The following MAST2 variants were observed in gnomAD, a reference collection of about 807,000 sequenced individuals.
The protein encoded by MAST2 is microtubule-associated serine/threonine-protein kinase 2.
A neutral mutation model predicts 147.4 loss-of-function variants in MAST2; 70 were observed. The observed-to-expected ratio is 0.47, with a 90% CI of 0.39 to 0.58. The LOEUF is 0.58. Ranked by LOEUF, MAST2 falls within the 20% of genes least tolerant of loss-of-function variation. The pLI, the probability that MAST2 is intolerant of heterozygous loss-of-function variation, is 0.00. For synonymous variants in MAST2, 869 were observed against 896.8 expected (o/e 0.97, Z 0.55); for missense variants, 2,080 against 2,302.3 (o/e 0.90, Z 1.98).
chr1:45,963,772 G>C (rs919299526), intron 5 of MAST2, among the ~76,000 whole-genome samples: 3 of 152,232 alleles, frequency 2.0e-5, no homozygotes, highest in Non-Finnish European at 4.4e-5. Flanking sequence ...CTGCCTGATT[G>C]CCCTGGCCAG....
chr1:45,901,425 C>T (rs1299953262), intron 4 of MAST2, among the ~76,000 whole-genome samples: 1 of 152,044 alleles, frequency 6.6e-6, no homozygotes, highest in South Asian at 2.1e-4. Context: ...AATTTGAAGT[C>T]GAGTAGTGTG....
intron 3 of MAST2, among the ~76,000 whole-genome samples, chr1:45,863,997 A>G (rs1284613665): frequency 6.6e-6 from 1 of 152,218 alleles, no homozygotes; most frequent in Non-Finnish European, 1.5e-5. Context: ...ATTACCATAA[A>G]GTTGGAAAGT....
intron 3 of MAST2, among the ~76,000 whole-genome samples, chr1:45,846,294 A>G (rs2147948105): frequency 6.6e-6 from 1 of 152,344 alleles, no homozygotes; most frequent in East Asian, 1.9e-4. Context: ...TTTTGCTGTT[A>G]TCACAGCTCA....
intron 6 of MAST2, among the ~76,000 whole-genome samples, chr1:45,998,197 T>G (rs1392264612): frequency 2.6e-5 from 4 of 152,236 alleles, no homozygotes; most frequent in South Asian, 2.1e-4. Flanking sequence ...TTATACTCTT[T>G]GTCCTCTCTA....
In MAST2 at chr1:45,803,868, C is replaced by T. The variant is rs1165628838; in HGVS notation, c.-28C>T. ...GTGCGGAGCCGGGACAGTCGCGGCG[C>T]TGACGCCCGCGGGCCCCAGCTGCAG... is the stretch of plus-strand genomic sequence containing the variant. On this transcript the variant is annotated 5_prime_UTR_variant, in exon 1 of 29. Coordinates refer to ENST00000361297, the MANE Select transcript of MAST2 (RefSeq NM_015112.3). The T allele has an allele frequency of 1.8e-6, 1 of 558,762 alleles. No individual in the cohort carries two copies. Among genetic ancestry groups the T allele is most frequent in the East Asian group, 3.7e-5 (1 of 27,198 alleles). 34.6% of individuals were successfully genotyped at this position (558,762 alleles called of 1,614,324 possible). A position where few individuals can be genotyped will look rare whatever the true frequency, so the allele number is the denominator to read the frequency against.
chr1:45,880,365 CATAATG>C lies in MAST2; in HGVS notation c.469-1997_469-1992del, dbSNP rs372651456. The stretch of plus-strand genomic sequence containing the variant: ...AGGAAGTAAAAGTAATCTGTGGTGA[CATAATG>C]AGAATAATATTTGCTTGGGGTAGGA... On this transcript the variant is annotated intron_variant, in intron 3 of 28. Transcript: ENST00000361297. Among the ~76,000 whole-genome samples the C allele has an allele frequency of 5.9e-5, 9 of 152,204 alleles. No individual in the cohort carries two copies. In the East Asian group the frequency reaches 1.7e-3, roughly 29 times the overall value.
chr1:45,916,220 C>T (rs892335487), intron 4 of MAST2, among the ~76,000 whole-genome samples: 20 of 152,156 alleles, frequency 1.3e-4, no homozygotes, highest in African/African-American at 4.6e-4. Flanking sequence ...TATAAACAGT[C>T]AGAAATAACA....
Position 45,974,556 on chromosome 1 carries a change from G to A in MAST2, c.592+15079G>A, listed in dbSNP as rs80329825. On this transcript the variant is annotated intron_variant, in intron 5 of 28. Coordinates refer to ENST00000361297, the MANE Select transcript of MAST2 (RefSeq NM_015112.3). ...AGGCTGCAGTGAGCTGTGATTGCAC[G>A]GAACTGTGATTGTGATTTTGAGAAA... Among the ~76,000 whole-genome samples the A allele has an allele frequency of 6.7e-3, 1,019 of 152,230 alleles. 12 individuals carry two copies. Among genetic ancestry groups the A allele is most frequent in the African/African-American group, 0.024 (979 of 41,518 alleles).
chr1:46,022,428 T>G (rs1183566134), intron 12 of MAST2, among the ~76,000 whole-genome samples: 2 of 152,204 alleles, frequency 1.3e-5, no homozygotes, highest in African/African-American at 4.8e-5. Context: ...ACCTTACAGG[T>G]CTTCCTGTGT....
Position 46,035,910 on chromosome 1 carries a change from T to C in MAST2, c.5241T>C (p.Pro1747=). 4.3e-6 allele frequency: 7 copies of C among 1,614,098 alleles called. No homozygotes were observed. Among genetic ancestry groups the C allele is most frequent in the South Asian group, 1.1e-5 (1 of 91,084 alleles). The stretch of plus-strand genomic sequence containing the variant: ...CAGCCCTGAGCATCACCCAAGTGCC[T>C]GATGCCTCAGGTGACAGAAGGCAGG... The part of the protein sequence containing the change: ...EDPALSITQV[P]DASGDRRQDV... Residue 1747 remains proline (P), a synonymous_variant, in exon 29 of 29, where the codon CCT becomes CCC. Transcript: ENST00000361297. The surrounding 1 kb of genome is among the most constrained non-coding windows in gnomAD (Gnocchi z 5.5).
At chr1:45,967,383 T>C (rs554425071) in intron 5 of MAST2, among the ~76,000 whole-genome samples, 66 of 152,188 alleles carry the variant, frequency 4.3e-4, no homozygotes, top group Non-Finnish European at 8.4e-4. Flanking sequence ...CATATAACTT[T>C]TGACTGCCCC....
chr1:46,034,462 G>A (rs1285951587), intron 28 of MAST2, 76 bp from the exon 29 acceptor site: 1 of 1,471,178 alleles, frequency 6.8e-7, no homozygotes, highest in South Asian at 1.3e-5. Context: ...GCTAAGCCCT[G>A]TCTTGCCCTT....
intron 11 of MAST2, among the ~76,000 whole-genome samples, chr1:46,021,605 A>T (rs946525): frequency 0.66 from 100,543 of 152,134 alleles, 33,607 homozygotes; most frequent in Non-Finnish European, 0.71. Context: ...GTGCCAGGAC[A>T]GCTGTGGACT....
intron 6 of MAST2, among the ~76,000 whole-genome samples, chr1:45,998,360 GTCC>G (rs1487771429): frequency 1.3e-5 from 2 of 152,286 alleles, no homozygotes; most frequent in South Asian, 2.1e-4. Context: ...CATGCTTACA[GTCC>G]TCCTCCCATG....
chr1:45,858,643 T>A (rs1645873530), intron 3 of MAST2, among the ~76,000 whole-genome samples: 1 of 145,166 alleles, frequency 6.9e-6, no homozygotes, highest in Non-Finnish European at 1.5e-5. Flanking sequence ...CAATTTTGGG[T>A]TTTGTTGCCA....
chr1:45,885,251 A>G (rs931471811), intron 4 of MAST2, among the ~76,000 whole-genome samples: 3 of 152,228 alleles, frequency 2.0e-5, no homozygotes, highest in Admixed American at 6.5e-5. Context: ...GGTTCTCCCA[A>G]GAGCGAATCC....
intron 3 of MAST2, among the ~76,000 whole-genome samples, chr1:45,830,448 C>T (rs1236415801): frequency 6.6e-6 from 1 of 152,144 alleles, no homozygotes; most frequent in Non-Finnish European, 1.5e-5. Flanking sequence ...GTTGGGATTA[C>T]AGGCTTGAGC....
Position 45,829,586 on chromosome 1 carries a change from G to A in MAST2, c.468+5G>A, listed in dbSNP as rs750269729. On this transcript the variant is annotated splice_donor_5th_base_variant and intron_variant, in intron 3 of 28. Transcript: ENST00000361297. ...CCTTCTCTTACTGCTGGCCTGGTAA[G>A]TGTTCATAAAGGTGGCATTTTGCTC... 1 of 1,610,560 alleles carries A rather than the reference G, an allele frequency of 6.2e-7. No homozygotes were observed. Among genetic ancestry groups the A allele is most frequent in the Admixed American group, 1.7e-5 (1 of 59,426 alleles).
chr1:45,829,691 C>T (rs1466675308), intron 3 of MAST2, 110 bp downstream of exon 3: 14 of 1,146,336 alleles, frequency 1.2e-5, no homozygotes, highest in Non-Finnish European at 1.7e-5. Flanking sequence ...TTCAGTTTCC[C>T]AAAATGAAGT....
Sources: gnomAD v4.1 joint callset for allele counts (sites outside exome capture counted in the v4.1 genomes callset) on GRCh38, gnomAD v4.1.1 for gene constraint, Gnocchi (gnomAD v3.1) non-coding constraint, MANE v1.5 for transcripts, NCBI Gene and HGNC (gene_info 2026-07-23, HGNC 2026-07-21) for gene names.